TRAPPC11: variants seen among roughly 807,000 people sequenced by gnomAD.
TRAPPC11 encodes the protein foie gras homolog.
A neutral mutation model predicts 151.2 loss-of-function variants in TRAPPC11; 104 were observed. The observed-to-expected ratio is 0.69, with a 90% CI of 0.59 to 0.81. The LOEUF (loss-of-function observed/expected upper bound fraction) is 0.81, where lower values mean the gene tolerates loss of function less well. Ranked by LOEUF, TRAPPC11 falls within the 30% of genes least tolerant of loss-of-function variation. The pLI, the probability that TRAPPC11 is intolerant of heterozygous loss-of-function variation, is 0.00. For missense variants in TRAPPC11, 1,230 were observed against 1,349.6 expected, an observed-to-expected ratio of 0.91 and a Z score of 1.39; for synonymous variants, 456 against 472.3, an observed-to-expected ratio of 0.97 and a Z score of 0.45.
At chr4:183,684,888 T>G (rs1160403903) in intron 15 of TRAPPC11, 47 bp downstream of exon 15, 1 of 1,556,284 alleles carries the variant, frequency 6.4e-7, no homozygotes, top group Non-Finnish European at 8.8e-7. Flanking sequence ...TAAAATTATT[T>G]AGCATCTTTA....
intron 2 of TRAPPC11, among the ~76,000 whole-genome samples, chr4:183,665,091 C>CTTTTTTTTTTTTTTTT (rs66913932): frequency 2.8e-5 from 3 of 106,448 alleles, no homozygotes; most frequent in Non-Finnish European, 5.4e-5. Flanking sequence ...TCTTTTCTTT[C>CTTTTTTTTTTTTTTTT]TTTTTTTTTT....
Position 183,685,249 on chromosome 4 carries a change from T to C in TRAPPC11, c.1630-22T>C, listed in dbSNP as rs367897366. 2.2e-5 allele frequency: 36 copies of C among 1,612,632 alleles called. No homozygotes were observed. The African/African-American group carries it at 2.9e-4, about 13-fold the overall frequency. ...GTTTTTATTCAACTAGTTGAATGGA[T>C]GTTAACTCTGTGTTGATGCAGAATG... On this transcript the variant is annotated intron_variant, in intron 16 of 29. Transcript: ENST00000334690.
rs142299838 is a variant in TRAPPC11 at position 183,663,118 on chromosome 4, G to T, written c.-21-729G>T. On this transcript the variant is annotated intron_variant, in intron 1 of 29. Transcript: ENST00000334690. ...GTCTCACTCTGTCACCCAGATTGGA[G>T]TGGAGTGCCGTGATCTTGGCTCACT... Among the ~76,000 whole-genome samples, 729 of 152,160 alleles carry T rather than the reference G, an allele frequency of 4.8e-3. 5 individuals carry two copies. The highest frequency in any genetic ancestry group is 0.016 in the African/African-American group (679 of 41,540).
At chr4:183,665,190 G>A (rs1359943676) in intron 2 of TRAPPC11, among the ~76,000 whole-genome samples, 1 of 151,180 alleles carries the variant, frequency 6.6e-6, no homozygotes, top group Non-Finnish European at 1.5e-5. Context: ...CGCCTCCTGG[G>A]TTCGTGCCAT....
intron 1 of TRAPPC11, among the ~76,000 whole-genome samples, chr4:183,663,231 A>G (rs1454721071): frequency 6.6e-6 from 1 of 150,730 alleles, no homozygotes; most frequent in Non-Finnish European, 1.5e-5. Flanking sequence ...ATGTCCAGCT[A>G]ATTTTTTGTT....
At chr4:183,663,209 G>A (rs1261726919) in intron 1 of TRAPPC11, among the ~76,000 whole-genome samples, 6 of 151,910 alleles carry the variant, frequency 3.9e-5, no homozygotes, top group Admixed American at 1.3e-4. Flanking sequence ...GGGGTTACAG[G>A]TGTGTGCCAC....
rs532605756 is a variant in TRAPPC11 at position 183,663,910 on chromosome 4, C to T, written c.43C>T (p.Arg15Trp). The change falls in exon 2 of 30, where the codon CGG (arginine) becomes TGG (tryptophan). Residue 15 changes from arginine (R) to tryptophan (W), a missense_variant. Coordinates refer to ENST00000334690, the MANE Select transcript of TRAPPC11 (RefSeq NM_021942.6). ...GGACTTCCCTGTGGAATTATGTTGC[C>T]GGCCTATGGCCTTTGTTACTCTAAC... ...QWDFPVELCC[R>W]PMAFVTLTGL... is the part of the protein sequence containing the mutation. 67 of 1,614,114 alleles carry T rather than the reference C, an allele frequency of 4.2e-5. No individual in the cohort carries two copies. Among genetic ancestry groups the T allele is most frequent in the East Asian group, 8.9e-5 (4 of 44,884 alleles).
At chr4:183,661,730 A>G (rs1192159262) in intron 1 of TRAPPC11, among the ~76,000 whole-genome samples, 1 of 148,348 alleles carries the variant, frequency 6.7e-6, no homozygotes, top group Non-Finnish European at 1.5e-5. Flanking sequence ...TATATTTAAA[A>G]TGTAGTGATA....
Position 183,668,072 on chromosome 4 carries a change from T to A in TRAPPC11, c.515T>A (p.Leu172Ter). 1 of 1,613,784 alleles carries A rather than the reference T, an allele frequency of 6.2e-7. No homozygotes were observed. The highest frequency in any genetic ancestry group is 8.5e-7 in the Non-Finnish European group (1 of 1,179,688). ...CNACELSGKS[L>*]FVLPHTDHLV... is the part of the protein sequence containing the mutation. ...GCATGTGAACTCTCAGGAAAGTCTT[T>A]GTTTGTACTGCCGCACACTGACCAC... Residue 172 changes from leucine (L) to a stop codon, truncating the protein, a stop_gained, in exon 5 of 30, where the codon TTG becomes TAG. Coordinates refer to ENST00000334690, the MANE Select transcript of TRAPPC11 (RefSeq NM_021942.6). LOFTEE classifies it high-confidence loss of function.
chr4:183,679,528 A>G (rs375088318), intron 9 of TRAPPC11, 42 bp downstream of exon 9: 120 of 1,527,280 alleles, frequency 7.9e-5, no homozygotes, highest in Admixed American at 4.2e-4. Flanking sequence ...TAAAAATGAT[A>G]CATAGTATTT....
intron 1 of TRAPPC11, among the ~76,000 whole-genome samples, chr4:183,660,987 C>T (rs1304353553): frequency 6.6e-6 from 1 of 152,096 alleles, no homozygotes; most frequent in Non-Finnish European, 1.5e-5. Context: ...GCTGGGATTA[C>T]AGGCGTGAGC....
chr4:183,685,816 T>C (rs922655084), intron 17 of TRAPPC11, among the ~76,000 whole-genome samples: 6 of 152,064 alleles, frequency 3.9e-5, no homozygotes, highest in Admixed American at 3.9e-4. Flanking sequence ...TTATTTTATA[T>C]TATTTATTTG....
intron 8 of TRAPPC11, among the ~76,000 whole-genome samples, chr4:183,678,367 G>T (rs531604931): frequency 6.6e-6 from 1 of 152,178 alleles, no homozygotes; most frequent in South Asian, 2.1e-4. Context: ...TCTTAAAGAT[G>T]CCTGACTCTG....
intron 1 of TRAPPC11, 110 bp from the exon 2 acceptor site, chr4:183,663,737 T>TG: frequency 8.3e-6 from 2 of 240,360 alleles, no homozygotes; most frequent in Middle Eastern, 1.0e-3. Context: ...ATATGAGTTG[T>TG]TTTTTTTTTT....
At chr4:183,694,077 A>C in intron 22 of TRAPPC11, 39 bp downstream of exon 22, 3 of 1,603,640 alleles carry the variant, frequency 1.9e-6, no homozygotes, top group Non-Finnish European at 2.6e-6. Flanking sequence ...GAAATCAATT[A>C]GTTTGTAGTT....
chr4:183,668,123 T>C lies in TRAPPC11; in HGVS notation c.560+6T>C, dbSNP rs1033544057. 2.9e-5 allele frequency: 44 copies of C among 1,518,468 alleles called. No individual in the cohort carries two copies. Among genetic ancestry groups the C allele is most frequent in the Non-Finnish European group, 3.7e-5 (41 of 1,111,598 alleles). 94.1% of individuals were successfully genotyped at this position (1,518,468 alleles called of 1,614,324 possible). A position where few individuals can be genotyped will look rare whatever the true frequency, so the allele number is the denominator to read the frequency against. On this transcript the variant is annotated splice_donor_region_variant and intron_variant, in intron 5 of 29. Transcript: ENST00000334690. ...CTTGTGGGTTATATTATAAGGTAAG[T>C]AGAGGTCTTTTAAAGTTTTGTTTTT...
rs140871779 is a variant in TRAPPC11 at position 183,675,156 on chromosome 4, CT to C, written c.661-3del. The C allele has an allele frequency of 0.11, 157,550 of 1,474,534 alleles. 9,177 individuals are homozygous for C. The highest frequency in any genetic ancestry group is 0.14 in the Admixed American group (6,445 of 45,722). The allele number at this position is 1,474,534 out of a possible 1,614,324, so 91.3% of individuals were successfully genotyped here. A position where few individuals can be genotyped will look rare whatever the true frequency, so the allele number is the denominator to read the frequency against. Reference sequence around the variant, plus strand: ...ATGTATAATAGTAATTTTTTTGTCTCTTTTTAGCTTTTATTTGTTAGGCATC... The same window carrying C: ...ATGTATAATAGTAATTTTTTTGTCTCTTTTAGCTTTTATTTGTTAGGCATC... On this transcript the variant is annotated splice_region_variant and splice_polypyrimidine_tract_variant and intron_variant, in intron 6 of 29. Transcript: ENST00000334690.
chr4:183,695,958 G>T (rs1056359125), intron 23 of TRAPPC11, among the ~76,000 whole-genome samples: 1 of 152,128 alleles, frequency 6.6e-6, no homozygotes, highest in African/African-American at 2.4e-5. Flanking sequence ...AGCCTGTGAG[G>T]ATTATGAAAC....
intron 29 of TRAPPC11, among the ~76,000 whole-genome samples, chr4:183,708,917 C>T (rs1737209848): frequency 1.3e-5 from 2 of 151,966 alleles, no homozygotes; most frequent in South Asian, 4.2e-4. Context: ...TTTTCTGATT[C>T]CCTGTAACTG....
Sources: gnomAD v4.1 joint callset for allele counts (sites outside exome capture counted in the v4.1 genomes callset) on GRCh38, gnomAD v4.1.1 for gene constraint, MANE v1.5 for transcripts, NCBI Gene and HGNC (gene_info 2026-07-23, HGNC 2026-07-21) for gene names.